ROR2: variants seen among roughly 807,000 people sequenced by gnomAD.
ROR2 encodes tyrosine-protein kinase transmembrane receptor ROR2.
Under a neutral mutation model 74.9 loss-of-function variants are expected in ROR2, and 33 were observed. The observed-to-expected ratio is 0.44, with a 90% CI of 0.33 to 0.59. The LOEUF is 0.59. Ranked by LOEUF, ROR2 falls within the 20% of genes least tolerant of loss-of-function variation. The pLI, the probability that ROR2 is intolerant of heterozygous loss-of-function variation, is 0.02. For missense variants in ROR2, 1,216 were observed against 1,313.8 expected (o/e 0.93, Z 1.15); for synonymous variants, 586 against 558.7 (o/e 1.05, Z -0.69).
At chr9:91,773,477 G>T (rs1050165109) in intron 2 of ROR2, among the ~76,000 whole-genome samples, 5 of 152,196 alleles carry the variant, frequency 3.3e-5, no homozygotes, top group African/African-American at 9.7e-5. Flanking sequence ...GCTGTGCAGG[G>T]CGTAGCCCAG....
intron 1 of ROR2, among the ~76,000 whole-genome samples, chr9:91,946,929 C>A (rs915228890): frequency 1.3e-5 from 2 of 152,156 alleles, no homozygotes; most frequent in African/African-American, 2.4e-5. Flanking sequence ...AAGAAAAGAG[C>A]AGTGTAAAAT....
chr9:91,780,963 G>C (rs1424799811), intron 1 of ROR2, among the ~76,000 whole-genome samples: 1 of 152,108 alleles, frequency 6.6e-6, no homozygotes, highest in Non-Finnish European at 1.5e-5. Context: ...GTGCTATTCT[G>C]GTTTTGATTT....
At chr9:91,806,842 G>T (rs1157379684) in intron 1 of ROR2, among the ~76,000 whole-genome samples, 1 of 152,312 alleles carries the variant, frequency 6.6e-6, no homozygotes, top group Non-Finnish European at 1.5e-5. Flanking sequence ...GCCCGCCTCG[G>T]CCACCCAAAG....
chr9:91,901,860 G>T (rs551687962), intron 1 of ROR2, among the ~76,000 whole-genome samples: 1 of 151,564 alleles, frequency 6.6e-6, no homozygotes, highest in Admixed American at 6.6e-5. Context: ...AAGGAGCTTT[G>T]TTTATTTTTC....
intron 1 of ROR2, among the ~76,000 whole-genome samples, chr9:91,929,595 C>A (rs530831717): frequency 6.6e-6 from 1 of 152,268 alleles, no homozygotes; most frequent in African/African-American, 2.4e-5. Flanking sequence ...CACGGGCATT[C>A]TTTTCAATTC....
chr9:91,724,327 C>T lies in ROR2; in HGVS notation c.2167G>A (p.Ala723Thr). 1 of 1,613,338 alleles carries T rather than the reference C, an allele frequency of 6.2e-7. No homozygotes were observed. Among genetic ancestry groups the T allele is most frequent in the Non-Finnish European group, 8.5e-7 (1 of 1,180,028 alleles). The change falls in exon 9 of 9, where the codon GCC becomes ACC. Residue 723 changes from alanine (A) to threonine (T), a missense_variant. Ala to Thr is a moderately conservative substitution (Grantham distance 58, BLOSUM62 0). Transcript: ENST00000375708. ...CPDDCPAWVY[A>T]LMIECWNEFP... ...TCGTTCCAGCACTCGATCATGAGGG[C>T]ATACACCCAGGCGGGACAGTCATCG...
chr9:91,883,166 A>G (rs1830164701), intron 1 of ROR2: 1 of 152,202 alleles, frequency 6.6e-6, no homozygotes, highest in Non-Finnish European at 1.5e-5. Context: ...TCTGTTTCCA[A>G]GCATTTCAGA....
At chr9:91,869,453 A>AC (rs1829731422) in intron 1 of ROR2, among the ~76,000 whole-genome samples, 1 of 152,202 alleles carries the variant, frequency 6.6e-6, no homozygotes, top group Admixed American at 6.5e-5. Flanking sequence ...CGAACCGTGA[A>AC]CCCCTATACA....
At chr9:91,821,497 C>T (rs1828138595) in intron 1 of ROR2, among the ~76,000 whole-genome samples, 1 of 152,156 alleles carries the variant, frequency 6.6e-6, no homozygotes, top group Non-Finnish European at 1.5e-5. Context: ...GCTCCCTCAG[C>T]AACACCTGCA....
intron 5 of ROR2, among the ~76,000 whole-genome samples, chr9:91,736,172 C>G (rs1203014462): frequency 6.6e-6 from 1 of 152,174 alleles, no homozygotes; most frequent in Non-Finnish European, 1.5e-5. Context: ...CCCGCTGGAA[C>G]AGGATGGCAT....
At chr9:91,762,989 C>A (rs866179072) in intron 2 of ROR2, among the ~76,000 whole-genome samples, 3 of 152,262 alleles carry the variant, frequency 2.0e-5, no homozygotes, top group Admixed American at 6.5e-5. Context: ...CCATGGAATA[C>A]AATGCAGCCA....
intron 1 of ROR2, among the ~76,000 whole-genome samples, chr9:91,909,851 T>TTTTTTTTGG (rs1830922528): frequency 9.2e-6 from 1 of 108,596 alleles, no homozygotes; most frequent in African/African-American, 4.2e-5. Context: ...TGTTTTGTTT[T>TTTTTTTTGG]TTTTTTTTTT....
intron 1 of ROR2, among the ~76,000 whole-genome samples, chr9:91,837,201 G>A (rs1257654370): frequency 1.3e-5 from 2 of 151,982 alleles, no homozygotes; most frequent in Non-Finnish European, 2.9e-5. Context: ...TCGCCCAAGC[G>A]AGTGCAGTGG....
intron 2 of ROR2, among the ~76,000 whole-genome samples, chr9:91,768,594 C>T (rs1438465830): frequency 1.3e-5 from 2 of 152,188 alleles, no homozygotes; most frequent in Non-Finnish European, 2.9e-5. Context: ...CGGCCGCCCA[C>T]CATAGGGACG....
chr9:91,878,289 G>T (rs892463519), intron 1 of ROR2, among the ~76,000 whole-genome samples: 3 of 152,296 alleles, frequency 2.0e-5, no homozygotes, highest in Admixed American at 1.3e-4. Flanking sequence ...CTGGGCTTCA[G>T]GGTCCTGGGC....
chr9:91,845,877 C>CAAAAAAAAAAAAAAAA (rs5899143), intron 1 of ROR2, among the ~76,000 whole-genome samples: 1 of 33,874 alleles, frequency 3.0e-5, no homozygotes, highest in African/African-American at 7.3e-5. Context: ...GAATCCATCT[C>CAAAAAAAAAAAAAAAA]AAAAAAAAAA....
chr9:91,942,852 T>C (rs1587865081), intron 1 of ROR2, among the ~76,000 whole-genome samples: 1 of 152,156 alleles, frequency 6.6e-6, no homozygotes, highest in Admixed American at 6.5e-5. Flanking sequence ...CCTAGAGCCC[T>C]GGGAGGGATC....
chr9:91,885,103 C>A (rs575910876), intron 1 of ROR2, among the ~76,000 whole-genome samples: 1 of 152,290 alleles, frequency 6.6e-6, no homozygotes, highest in Non-Finnish European at 1.5e-5. Flanking sequence ...GCAGCTCTCT[C>A]TAGTTCCCAC....
chr9:91,909,837 G>GTT (rs1830909351), intron 1 of ROR2, among the ~76,000 whole-genome samples: 1 of 52,786 alleles, frequency 1.9e-5, no homozygotes, highest in African/African-American at 1.1e-4. Flanking sequence ...TTTTTTTTTA[G>GTT]GTTTGTTTTG....
Sources: allele counts gnomAD v4.1 joint callset (sites outside exome capture counted in the v4.1 genomes callset), GRCh38; gene constraint gnomAD v4.1.1; transcripts MANE v1.5; gene names NCBI Gene and HGNC (gene_info 2026-07-23, HGNC 2026-07-21).